NDUFA10: variants seen among roughly 807,000 people sequenced by gnomAD.
NDUFA10 encodes NADH:ubiquinone oxidoreductase subunit A10.
Under a neutral mutation model 47.8 loss-of-function variants are expected in NDUFA10, and 40 were observed. The observed-to-expected ratio is 0.84, with a 90% CI of 0.65 to 1.09. The LOEUF (loss-of-function observed/expected upper bound fraction) is 1.09, where lower values mean the gene tolerates loss of function less well. Among genes scored for constraint, NDUFA10 ranks in the 50% least tolerant of loss-of-function variants. NDUFA10 has a pLI of 0.00. For missense variants in NDUFA10, 413 were observed against 451.1 expected (o/e 0.92, Z 0.76); for synonymous variants, 183 against 172.2 (o/e 1.06, Z -0.49).
chr2:239,914,502 C>A (rs1693809545), intron 4 of NDUFA10, among the ~76,000 whole-genome samples: 2 of 149,502 alleles, frequency 1.3e-5, no homozygotes, highest in South Asian at 4.2e-4. Flanking sequence ...CAGAGATACA[C>A]AAACATACAC....
chr2:239,983,501 G>A (rs1283919220), intron 9 of NDUFA10: 54 of 1,589,758 alleles, frequency 3.4e-5, no homozygotes, highest in Non-Finnish European at 4.6e-5. Flanking sequence ...CCTCTAAACA[G>A]TCAGACAATT....
intron 4 of NDUFA10, among the ~76,000 whole-genome samples, chr2:239,900,579 G>A (rs1244020391): frequency 4.0e-5 from 6 of 148,182 alleles, no homozygotes; most frequent in African/African-American, 2.5e-5. Context: ...TCTTCCATAG[G>A]AAAAAAAAAA....
At chr2:239,897,373 G>GA (rs1469314856) in intron 4 of NDUFA10, among the ~76,000 whole-genome samples, 1 of 151,382 alleles carries the variant, frequency 6.6e-6, no homozygotes, top group Non-Finnish European at 1.5e-5. Flanking sequence ...ACTCTTTAGG[G>GA]AAAAAATACA....
At position 239,964,055 on chromosome 2, in the gene NDUFA10, C is replaced by A. The variant is rs183345242; in HGVS notation, c.1000-2869G>T. ...ACCTTTCACACGCCAGGTAATGGCA[C>A]GTATGTCTATGCCTGCACGCCCATG... On this transcript the variant is annotated intron_variant, in intron 9 of 9. Transcript: ENST00000252711. Among the ~76,000 whole-genome samples the A allele has an allele frequency of 8.0e-4, 122 of 152,286 alleles. 2 individuals are homozygous for A. In the South Asian group the frequency reaches 0.014, roughly 18 times the overall value.
intron 8 of NDUFA10, among the ~76,000 whole-genome samples, chr2:239,990,741 C>G (rs1696211503): frequency 6.6e-6 from 1 of 152,056 alleles, no homozygotes; most frequent in Non-Finnish European, 1.5e-5. Context: ...TTTCTTGGCA[C>G]CAATAAATAT....
At chr2:239,909,644 C>G (rs1466837671) in intron 4 of NDUFA10, among the ~76,000 whole-genome samples, 1 of 151,990 alleles carries the variant, frequency 6.6e-6, no homozygotes, top group Non-Finnish European at 1.5e-5. Context: ...CAAAAAAACC[C>G]TAGAAGAAAA....
intron 9 of NDUFA10, among the ~76,000 whole-genome samples, chr2:239,978,666 CA>C (rs1474790401): frequency 5.3e-5 from 8 of 152,200 alleles, no homozygotes; most frequent in Non-Finnish European, 1.2e-4. Flanking sequence ...GCAGCGACGC[CA>C]GTTGTACTTG....
intron 4 of NDUFA10, among the ~76,000 whole-genome samples, chr2:239,935,384 C>T (rs776868997): frequency 8.5e-5 from 13 of 152,358 alleles, no homozygotes; most frequent in Non-Finnish European, 1.5e-4. Flanking sequence ...TACAATTCAT[C>T]GCTGACCGGA....
intron 8 of NDUFA10, among the ~76,000 whole-genome samples, chr2:239,993,900 G>A (rs1057279135): frequency 1.3e-5 from 2 of 152,094 alleles, no homozygotes; most frequent in Non-Finnish European, 2.9e-5. Flanking sequence ...ACGGCAGGAG[G>A]GAAGGCAAGA....
At chr2:240,017,903 A>C in intron 4 of NDUFA10, 2 of 1,563,452 alleles carry the variant, frequency 1.3e-6, no homozygotes, top group Non-Finnish European at 1.7e-6. Context: ...CAGCCACCCC[A>C]GTCTACAGAT....
At chr2:239,982,647 T>C (rs1307909610) in intron 9 of NDUFA10, among the ~76,000 whole-genome samples, 1 of 152,214 alleles carries the variant, frequency 6.6e-6, no homozygotes, top group Non-Finnish European at 1.5e-5. Flanking sequence ...TCCATTTTTC[T>C]AGCTATGCCT....
At chr2:239,979,271 C>T (rs1271967754) in intron 9 of NDUFA10, among the ~76,000 whole-genome samples, 3 of 151,656 alleles carry the variant, frequency 2.0e-5, no homozygotes, top group African/African-American at 7.3e-5. Context: ...GCCCACCCCA[C>T]CCAGCTGCCA....
chr2:239,978,339 C>T (rs1351844955), intron 9 of NDUFA10, among the ~76,000 whole-genome samples: 4 of 152,320 alleles, frequency 2.6e-5, no homozygotes, highest in Non-Finnish European at 1.5e-5. Flanking sequence ...TGGTCATCAA[C>T]GCAGTATCCT....
intron 4 of NDUFA10, among the ~76,000 whole-genome samples, chr2:239,947,942 T>A (rs1694483593): frequency 6.6e-6 from 1 of 152,184 alleles, no homozygotes. Flanking sequence ...GCGTGGGCAC[T>A]GGGTGAACAT....
rs540991619 is a variant in NDUFA10, at chr2:239,893,404, G to A, written c.*15-697C>T. The stretch of plus-strand genomic sequence containing the variant: ...GCCATGAATGTGGCTGTTGGGATGT[G>A]TCTTAGTCCATCTGTGTTGCTGTAA... On this transcript the variant is annotated intron_variant, in intron 5 of 5. Transcript: ENST00000419408. 2.6e-5 allele frequency among the ~76,000 whole-genome samples: 4 copies of A among 152,348 alleles called. No homozygotes were observed. In the East Asian group the frequency reaches 7.7e-4, roughly 29 times the overall value.
chr2:239,971,376 C>A (rs1162948710), intron 9 of NDUFA10, among the ~76,000 whole-genome samples: 1 of 152,228 alleles, frequency 6.6e-6, no homozygotes, highest in Non-Finnish European at 1.5e-5. Flanking sequence ...AACACCTATG[C>A]CACTCACTCT....
At chr2:239,946,343 G>C (rs1042714869) in intron 4 of NDUFA10, among the ~76,000 whole-genome samples, 1 of 152,206 alleles carries the variant, frequency 6.6e-6, no homozygotes, top group East Asian at 1.9e-4. Context: ...GGTTTCCGAA[G>C]GGTAGTGTGT....
intron 4 of NDUFA10, among the ~76,000 whole-genome samples, chr2:239,948,519 T>C (rs1694495254): frequency 1.3e-5 from 2 of 152,006 alleles, no homozygotes; most frequent in Non-Finnish European, 2.9e-5. Context: ...GTAAGTGGAG[T>C]CGCTGGAAAA....
intron 4 of NDUFA10, among the ~76,000 whole-genome samples, chr2:239,946,513 A>G (rs1694456437): frequency 6.6e-6 from 1 of 152,216 alleles, no homozygotes; most frequent in African/African-American, 2.4e-5. Flanking sequence ...CTCAAGCCCA[A>G]GGGCTCACTG....
Sources: gnomAD v4.1 joint callset for allele counts (sites outside exome capture counted in the v4.1 genomes callset) on GRCh38, gnomAD v4.1.1 for gene constraint, MANE v1.5 for transcripts, NCBI Gene and HGNC (gene_info 2026-07-23, HGNC 2026-07-21) for gene names.